The following ERC2 variants were observed in gnomAD, a reference collection of about 807,000 sequenced individuals.
ERC2 encodes ERC protein 2.
In ERC2, 42 loss-of-function variants were observed where a neutral mutation model predicts 114.8. The observed-to-expected ratio is 0.37, with a 90% confidence interval of 0.29 to 0.47. The LOEUF (loss-of-function observed/expected upper bound fraction) is 0.47. Among genes scored for constraint, ERC2 ranks in the 20% least tolerant of loss-of-function variants. ERC2 has a pLI of 0.99. For missense variants in ERC2, 939 were observed against 1,150.7 expected (o/e 0.82, Z 2.66); for synonymous variants, 454 against 425.5 (o/e 1.07, Z -0.82).
chr3:56,341,460 G>A (rs190713258), intron 2 of ERC2, among the ~76,000 whole-genome samples: 6 of 152,246 alleles, frequency 3.9e-5, no homozygotes, highest in Non-Finnish European at 8.8e-5. Flanking sequence ...CCAGCTTCCT[G>A]TTAGCATGAG....
chr3:56,323,812 G>GA (rs1385690389), intron 2 of ERC2, among the ~76,000 whole-genome samples: 1 of 152,084 alleles, frequency 6.6e-6, no homozygotes, highest in Non-Finnish European at 1.5e-5. Context: ...AACCACTGTG[G>GA]AAAAAACATG....
chr3:55,908,902 A>G (rs1405631864), intron 13 of ERC2, among the ~76,000 whole-genome samples: 1 of 152,180 alleles, frequency 6.6e-6, no homozygotes, highest in Non-Finnish European at 1.5e-5. Flanking sequence ...TGCAGAGAAA[A>G]CTGTGGGCAA....
intron 3 of ERC2, among the ~76,000 whole-genome samples, chr3:56,227,502 G>T (rs189605624): frequency 1.3e-5 from 2 of 150,900 alleles, no homozygotes; most frequent in African/African-American, 4.9e-5. Context: ...TGGATGTCAC[G>T]TTGTACCAAA....
intron 14 of ERC2, among the ~76,000 whole-genome samples, chr3:55,785,889 G>A (rs1260989072): frequency 6.6e-6 from 1 of 152,194 alleles, no homozygotes; most frequent in Non-Finnish European, 1.5e-5. Context: ...TTCTGAGTGG[G>A]TTGTGTTCCA....
chr3:56,175,865 C>T (rs1175792658), intron 3 of ERC2, among the ~76,000 whole-genome samples: 2 of 152,086 alleles, frequency 1.3e-5, no homozygotes, highest in African/African-American at 4.8e-5. Context: ...TGAGTTTGTA[C>T]ATTTAATTTG....
chr3:55,774,575 A>T (rs866577731), intron 14 of ERC2, among the ~76,000 whole-genome samples: 1 of 152,148 alleles, frequency 6.6e-6, no homozygotes, highest in Non-Finnish European at 1.5e-5. Context: ...ATTTGTATTC[A>T]TTCTGCAGGT....
At chr3:55,931,218 G>A (rs1431233728) in intron 13 of ERC2, among the ~76,000 whole-genome samples, 3 of 152,148 alleles carry the variant, frequency 2.0e-5, no homozygotes, top group African/African-American at 7.2e-5. Context: ...TCTAGAACCT[G>A]AAATAACATT....
At chr3:56,305,155 A>C (rs2056134204) in intron 2 of ERC2, among the ~76,000 whole-genome samples, 1 of 152,142 alleles carries the variant, frequency 6.6e-6, no homozygotes, top group Non-Finnish European at 1.5e-5. Flanking sequence ...CAAAAAATGT[A>C]GCCATAAAAA....
chr3:56,151,096 A>C (rs578175764), intron 4 of ERC2, among the ~76,000 whole-genome samples: 2 of 152,130 alleles, frequency 1.3e-5, no homozygotes, highest in Non-Finnish European at 2.9e-5. Context: ...GAGAAAAACA[A>C]ATCTCCATTA....
intron 2 of ERC2, among the ~76,000 whole-genome samples, chr3:56,367,437 C>G (rs2059192403): frequency 6.6e-6 from 1 of 152,122 alleles, no homozygotes; most frequent in Non-Finnish European, 1.5e-5. Context: ...CCTCTTCCCC[C>G]TTATCCTGAT....
intron 5 of ERC2, among the ~76,000 whole-genome samples, chr3:56,144,157 G>C (rs2081018444): frequency 6.6e-6 from 1 of 152,230 alleles, no homozygotes; most frequent in African/African-American, 2.4e-5. Context: ...ATGTGAGCAA[G>C]TGAGCACTGC....
rs776275999 is a variant in ERC2, at chr3:55,699,539, T to G, written c.2713-27A>C. The G allele has an allele frequency of 7.6e-6, 12 of 1,580,096 alleles. No individual in the cohort carries two copies. The East Asian group carries it at 2.3e-4, about 30-fold the overall frequency. On this transcript the variant is annotated intron_variant, in intron 15 of 17. Coordinates refer to ENST00000288221, the MANE Select transcript of ERC2 (RefSeq NM_015576.3). ...TGTGCAGAACAAAAACCAAGGAAGA[T>G]TCCATCAGGAGCCAGAAGATCAGTC... is the stretch of plus-strand genomic sequence containing the variant.
intron 17 of ERC2, among the ~76,000 whole-genome samples, chr3:55,654,908 C>A (rs1051932917): frequency 4.6e-5 from 7 of 152,194 alleles, no homozygotes; most frequent in African/African-American, 1.2e-4. Context: ...CTTCCATGGC[C>A]TGCTAGGCTC....
At chr3:55,818,492 A>C (rs2059988714) in intron 14 of ERC2, among the ~76,000 whole-genome samples, 1 of 152,262 alleles carries the variant, frequency 6.6e-6, no homozygotes, top group Admixed American at 6.5e-5. Flanking sequence ...ACAGTACAAC[A>C]GTATAAGAAT....
At chr3:56,454,860 GA>G (rs1193227476) in intron 1 of ERC2, among the ~76,000 whole-genome samples, 38 of 18,890 alleles carry the variant, frequency 2.0e-3, no homozygotes, top group Non-Finnish European at 3.3e-3. Flanking sequence ...CTCTGTCTCA[GA>G]AAAAAAAAAA....
In ERC2 at chr3:55,928,464, AT is replaced by A. The variant is rs199669082; in HGVS notation, c.2403+21960del. 1.6e-3 allele frequency among the ~76,000 whole-genome samples: 238 copies of A among 152,054 alleles called. 4 individuals carry two copies. The East Asian group carries it at 0.041, about 26-fold the overall frequency. On this transcript the variant is annotated intron_variant, in intron 13 of 17. Coordinates refer to ENST00000288221, the MANE Select transcript of ERC2 (RefSeq NM_015576.3). ...GCCCATTTTTTAATCGAATTATTCA[AT>A]TTTTTTCTTATAGAGTTGTTAGAGC... is the stretch of plus-strand genomic sequence containing the variant.
chr3:55,628,475 A>G (rs1311701355), intron 17 of ERC2, among the ~76,000 whole-genome samples: 1 of 152,212 alleles, frequency 6.6e-6, no homozygotes, highest in East Asian at 1.9e-4. Flanking sequence ...AAACCATCTC[A>G]TATTATTTTT....
chr3:56,220,188 C>T (rs1471784395), intron 3 of ERC2, among the ~76,000 whole-genome samples: 3 of 152,152 alleles, frequency 2.0e-5, no homozygotes, highest in African/African-American at 7.2e-5. Flanking sequence ...ACCAGCAGCA[C>T]ACACAGGGAC....
intron 14 of ERC2, among the ~76,000 whole-genome samples, chr3:55,765,829 CT>C: frequency 6.6e-6 from 1 of 152,170 alleles, no homozygotes; most frequent in East Asian, 1.9e-4. Flanking sequence ...TTTGGCTTTC[CT>C]GCATTTTGCT....
Sources: allele counts gnomAD v4.1 joint callset (sites outside exome capture counted in the v4.1 genomes callset), GRCh38; gene constraint gnomAD v4.1.1; transcripts MANE v1.5; gene names NCBI Gene and HGNC (gene_info 2026-07-23, HGNC 2026-07-21).